TTC4: variants seen among roughly 807,000 people sequenced by gnomAD.
The protein encoded by TTC4 is tetratricopeptide repeat domain 4.
In TTC4, 36 loss-of-function variants were observed where a neutral mutation model predicts 51.9. That is an observed-to-expected ratio of 0.69 (90% CI 0.53 to 0.92). TTC4 has a LOEUF of 0.92. Ranked by LOEUF, TTC4 falls within the 40% of genes least tolerant of loss-of-function variation. The probability of loss-of-function intolerance (pLI) is 0.00; values close to 1 mark genes in which losing one functional copy is unlikely to be tolerated. For synonymous variants in TTC4, 144 were observed against 164.2 expected, an observed-to-expected ratio of 0.88 and a Z score of 0.94; for missense variants, 399 against 454.6, an observed-to-expected ratio of 0.88 and a Z score of 1.11.
chr1:54,719,854 C>T (rs543061010), intron 3 of TTC4, among the ~76,000 whole-genome samples: 7 of 151,728 alleles, frequency 4.6e-5, no homozygotes, highest in African/African-American at 1.5e-4. Flanking sequence ...TCAGAGTCCA[C>T]CCCTGGCCCC....
intron 9 of TTC4, among the ~76,000 whole-genome samples, chr1:54,740,157 A>G (rs934483444): frequency 7.3e-6 from 1 of 137,094 alleles, no homozygotes; most frequent in Non-Finnish European, 1.6e-5. Flanking sequence ...CCTAGGTGAG[A>G]GTGAGACCCC....
In TTC4 at chr1:54,716,741, G is replaced by T. The variant is rs778391404; in HGVS notation, c.229+24G>T. 1.8e-5 allele frequency: 29 copies of T among 1,572,214 alleles called. No homozygotes were observed. The South Asian group carries it at 3.3e-4, about 18-fold the overall frequency. ...AGGTATCTTAACATGACTAATATTT[G>T]TTTTGTGTTTCCATTGAACTGAAAT... On this transcript the variant is annotated intron_variant, in intron 2 of 9. Transcript: ENST00000371281.
Position 54,722,670 on chromosome 1 carries a change from T to G in TTC4, c.470-5T>G. 2 of 1,613,562 alleles carry G rather than the reference T, an allele frequency of 1.2e-6. No individual in the cohort carries two copies. The highest frequency in any genetic ancestry group is 1.7e-4 in the Middle Eastern group (1 of 6,044). ...CTTGAATCCTAAGGGTTCTGGGTTC[T>G]GCAGGTGCCTTATGCCATCTGGAAC... On this transcript the variant is annotated splice_region_variant and splice_polypyrimidine_tract_variant and intron_variant, in intron 4 of 9. Coordinates refer to ENST00000371281, the MANE Select transcript of TTC4 (RefSeq NM_004623.5).
At chr1:54,736,412 C>T (rs1223818804) in intron 8 of TTC4, among the ~76,000 whole-genome samples, 1 of 150,378 alleles carries the variant, frequency 6.6e-6, no homozygotes, top group Non-Finnish European at 1.5e-5. Flanking sequence ...CTGTGTTGCC[C>T]AGGCTGGAGT....
Position 54,736,803 on chromosome 1 carries a change from G to A in TTC4, c.979-779G>A, listed in dbSNP as rs542348143. On this transcript the variant is annotated intron_variant, in intron 8 of 9. Coordinates refer to ENST00000371281, the MANE Select transcript of TTC4 (RefSeq NM_004623.5). ...CTCCACATGTTACGCTGCTGCCCCA[G>A]CGTGGGCGTCTTTCTCACCCCGCAC... 19 of 152,744 alleles carry A rather than the reference G, an allele frequency of 1.2e-4. 1 individual carries two copies. Among genetic ancestry groups the A allele is most frequent in the Admixed American group, 1.0e-3 (16 of 15,290 alleles). 9.5% of individuals were successfully genotyped at this position (152,744 alleles called of 1,614,324 possible).
chr1:54,740,006 C>T (rs537014488), intron 9 of TTC4, among the ~76,000 whole-genome samples: 3 of 152,254 alleles, frequency 2.0e-5, no homozygotes, highest in East Asian at 3.9e-4. Context: ...AGAAACACAG[C>T]GAGATCCCGT....
chr1:54,717,826 C>A lies in TTC4; in HGVS notation c.391+173C>A, dbSNP rs1432532391. ...CAAGTTGACATGATGAAAAGAGAAA[C>A]AGGATGGATTGTGTAATTCTTACTG... is the stretch of plus-strand genomic sequence containing the variant. On this transcript the variant is annotated intron_variant, in intron 3 of 9. Transcript: ENST00000371281. 9.0e-6 allele frequency: 5 copies of A among 557,476 alleles called. No individual in the cohort carries two copies. The East Asian group carries it at 1.7e-4, about 19-fold the overall frequency. 34.5% of individuals were successfully genotyped at this position (557,476 alleles called of 1,614,324 possible). A position where few individuals can be genotyped will look rare whatever the true frequency, so the allele number is the denominator to read the frequency against.
chr1:54,735,707 TATAG>T (rs1381800944), intron 8 of TTC4, among the ~76,000 whole-genome samples: 10 of 152,246 alleles, frequency 6.6e-5, no homozygotes, highest in Non-Finnish European at 1.5e-5. Flanking sequence ...ATAAGTGTTT[TATAG>T]GGAGATGCTT....
At chr1:54,724,120 C>T (rs78385709) in intron 5 of TTC4, among the ~76,000 whole-genome samples, 8,270 of 152,238 alleles carry the variant, frequency 0.054, 546 homozygotes, top group African/African-American at 0.15. Flanking sequence ...TGCTGAATAG[C>T]TGAAGTATTC....
At chr1:54,717,702 A>C in intron 3 of TTC4, 49 bp downstream of exon 3, 2 of 1,449,002 alleles carry the variant, frequency 1.4e-6, no homozygotes, top group Non-Finnish European at 1.8e-6. Flanking sequence ...ACAAGCCATT[A>C]TGATGGTTAG....
intron 4 of TTC4, among the ~76,000 whole-genome samples, 200 bp from the exon 5 acceptor site, chr1:54,722,475 T>C (rs1645753978): frequency 6.6e-6 from 1 of 152,214 alleles, no homozygotes; most frequent in Non-Finnish European, 1.5e-5. Flanking sequence ...AGTTTTGAAC[T>C]AAATGGACCT....
chr1:54,734,055 CAT>C (rs1404593660), intron 8 of TTC4, among the ~76,000 whole-genome samples: 1 of 152,004 alleles, frequency 6.6e-6, no homozygotes, highest in African/African-American at 2.4e-5. Flanking sequence ...CATATTGTAT[CAT>C]GTGTCAGAAT....
At chr1:54,733,006 G>C (rs1192689417) in intron 7 of TTC4, among the ~76,000 whole-genome samples, 3 of 151,434 alleles carry the variant, frequency 2.0e-5, no homozygotes, top group Admixed American at 2.0e-4. Context: ...AGAATCACTT[G>C]AACCCAGAAG....
At position 54,741,552 on chromosome 1, in the gene TTC4, C is replaced by A; in HGVS notation, c.*39C>A. ...CCTGGATCTCCTCCCTTACCCTCCT[C>A]TGCTGGGAACCTAGCACACCTGAAT... On this transcript the variant is annotated 3_prime_UTR_variant, in exon 10 of 10. Coordinates refer to ENST00000371281, the MANE Select transcript of TTC4 (RefSeq NM_004623.5). 2.6e-6 allele frequency: 4 copies of A among 1,533,138 alleles called. No homozygotes were observed. Among genetic ancestry groups the A allele is most frequent in the Non-Finnish European group, 3.6e-6 (4 of 1,107,194 alleles). The allele number at this position is 1,533,138 out of a possible 1,614,324, so 95.0% of individuals were successfully genotyped here.
At chr1:54,723,664 C>T (rs1163757343) in intron 5 of TTC4, among the ~76,000 whole-genome samples, 1 of 152,116 alleles carries the variant, frequency 6.6e-6, no homozygotes, top group Non-Finnish European at 1.5e-5. Flanking sequence ...AGCTACCTCA[C>T]TAGTAGAAGG....
chr1:54,733,365 G>A (rs1645892442), intron 7 of TTC4, among the ~76,000 whole-genome samples: 1 of 151,654 alleles, frequency 6.6e-6, no homozygotes, highest in Admixed American at 6.6e-5. Flanking sequence ...GCTACAGTGA[G>A]CTGTTATCAT....
intron 9 of TTC4, among the ~76,000 whole-genome samples, chr1:54,738,466 CA>C (rs1645974028): frequency 6.6e-6 from 1 of 152,150 alleles, no homozygotes; most frequent in Non-Finnish European, 1.5e-5. Context: ...CTGCCCTGAG[CA>C]CAGAGCTGTG....
chr1:54,715,869 C>A lies in TTC4; in HGVS notation c.-40C>A. 1 of 1,525,054 alleles carries A rather than the reference C, an allele frequency of 6.6e-7. No homozygotes were observed. Among genetic ancestry groups the A allele is most frequent in the Non-Finnish European group, 8.9e-7 (1 of 1,120,864 alleles). 94.5% of individuals were successfully genotyped at this position (1,525,054 alleles called of 1,614,324 possible). A position where few individuals can be genotyped will look rare whatever the true frequency, so the allele number is the denominator to read the frequency against. On this transcript the variant is annotated 5_prime_UTR_variant, in exon 1 of 10. Coordinates refer to ENST00000371281, the MANE Select transcript of TTC4 (RefSeq NM_004623.5). ...CGCCGCCGGAAGGAGCCGCTCGCTT[C>A]ACGGCGCTGGGACCCGGGCTGGAAG...
At position 54,729,534 on chromosome 1, in the gene TTC4, A is replaced by G. The variant is rs1645840164; in HGVS notation, c.681+1102A>G. Among the ~76,000 whole-genome samples, 4 of 152,264 alleles carry G rather than the reference A, an allele frequency of 2.6e-5. 1 individual carries two copies. In the South Asian group the frequency reaches 8.3e-4, roughly 32 times the overall value. ...TTGTACAGCATCCTGAGAAAGTCTG[A>G]CATTTTAGGATGTTGTTCCTATAAC... is the stretch of plus-strand genomic sequence containing the variant. On this transcript the variant is annotated intron_variant, in intron 6 of 9. Coordinates refer to ENST00000371281, the MANE Select transcript of TTC4 (RefSeq NM_004623.5).
Sources: allele counts gnomAD v4.1 joint callset (sites outside exome capture counted in the v4.1 genomes callset), GRCh38; gene constraint gnomAD v4.1.1; transcripts MANE v1.5; gene names NCBI Gene and HGNC (gene_info 2026-07-23, HGNC 2026-07-21).